Variants in CAPZB observed in about 807,000 individuals in gnomAD.
CAPZB encodes the protein F-actin-capping protein subunit beta.
A neutral mutation model predicts 38.1 loss-of-function variants in CAPZB; 2 were observed. The ratio of observed to expected loss-of-function variants is 0.05; its 90% CI spans 0.02 to 0.17. CAPZB has a LOEUF of 0.17. CAPZB is among the 10% of genes least tolerant of loss of function. CAPZB has a pLI of 1.00. For synonymous variants in CAPZB, 107 were observed against 127.4 expected (o/e 0.84, Z 1.08); for missense variants, 161 against 334.2 (o/e 0.48, Z 4.04).
chr1:19,427,731 G>A (rs185322833), intron 1 of CAPZB, among the ~76,000 whole-genome samples: 164 of 152,296 alleles, frequency 1.1e-3, no homozygotes, highest in Admixed American at 2.0e-3. Flanking sequence ...ACAAACACAC[G>A]AATACTCCTT....
intron 3 of CAPZB, among the ~76,000 whole-genome samples, chr1:19,385,263 A>C (rs765152386): frequency 6.6e-6 from 1 of 152,186 alleles, no homozygotes. Flanking sequence ...CCGCTGCTCT[A>C]TCTCTCATGC....
intron 1 of CAPZB, among the ~76,000 whole-genome samples, chr1:19,434,281 CT>C (rs1184155171): frequency 6.6e-6 from 1 of 152,204 alleles, no homozygotes; most frequent in Non-Finnish European, 1.5e-5. Context: ...TCCTTCACCT[CT>C]CTGAGCCTCG....
At chr1:19,461,971 A>G (rs1373901095) in intron 1 of CAPZB, among the ~76,000 whole-genome samples, 1 of 152,190 alleles carries the variant, frequency 6.6e-6, no homozygotes, top group Admixed American at 6.5e-5. Context: ...TGCTATTACT[A>G]CTGATTCTAT....
At chr1:19,484,255 G>A (rs1001060061) in intron 1 of CAPZB, 1 of 1,612,478 alleles carries the variant, frequency 6.2e-7, no homozygotes, top group Non-Finnish European at 8.5e-7. Flanking sequence ...AGAGGGAAGG[G>A]GAGGCTGCGC....
intron 1 of CAPZB, among the ~76,000 whole-genome samples, chr1:19,454,054 C>T (rs1198228910): frequency 2.0e-5 from 3 of 152,216 alleles, no homozygotes; most frequent in Non-Finnish European, 1.5e-5. Flanking sequence ...AGACTCATCC[C>T]CCAGAGTGGC....
chr1:19,345,369 C>T, intron 6 of CAPZB, 117 bp from the exon 7 acceptor site: 2 of 835,688 alleles, frequency 2.4e-6, no homozygotes, highest in Non-Finnish European at 4.0e-6. Context: ...GTGGAGCCAG[C>T]TGCAGGTATG....
At chr1:19,413,685 G>A (rs75880204) in intron 2 of CAPZB, among the ~76,000 whole-genome samples, 138 of 152,240 alleles carry the variant, frequency 9.1e-4, no homozygotes, top group African/African-American at 3.1e-3. Flanking sequence ...GAAAAATGCT[G>A]GTCTGAGATT....
chr1:19,339,664 G>A, intron 8 of CAPZB, 47 bp from the exon 9 acceptor site: 1 of 1,391,298 alleles, frequency 7.2e-7, no homozygotes, highest in Non-Finnish European at 1.0e-6. Flanking sequence ...AGGGACTGGT[G>A]AGGCGGTGGA....
rs564689029 is a variant in CAPZB, at chr1:19,348,274, A to G, written c.589-3022T>C. ...CAGTTTAGGGCACTTTTTTTTTTTTAATTTTCTTTTAAAAGACAAGGAGGT... is the reference window on the plus strand; with the variant it reads ...CAGTTTAGGGCACTTTTTTTTTTTTGATTTTCTTTTAAAAGACAAGGAGGT... On this transcript the variant is annotated intron_variant, in intron 6 of 8. Transcript: ENST00000264202. Among the ~76,000 whole-genome samples the G allele has an allele frequency of 4.7e-5, 7 of 149,780 alleles. 1 individual carries two copies. The South Asian group carries it at 1.5e-3, about 32-fold the overall frequency.
chr1:19,448,198 C>T (rs1002601267), intron 1 of CAPZB, among the ~76,000 whole-genome samples: 3 of 152,232 alleles, frequency 2.0e-5, no homozygotes, highest in Admixed American at 6.5e-5. Context: ...GGTGGTGCGC[C>T]GCTGCGCACA....
intron 4 of CAPZB, among the ~76,000 whole-genome samples, chr1:19,364,851 TTCTC>T (rs1322525022): frequency 6.6e-6 from 1 of 152,100 alleles, no homozygotes; most frequent in African/African-American, 2.4e-5. Flanking sequence ...CTTTTTTTTT[TTCTC>T]TCTTTTTTTG....
chr1:19,445,167 A>T (rs1212223738), intron 1 of CAPZB, among the ~76,000 whole-genome samples: 1 of 152,266 alleles, frequency 6.6e-6, no homozygotes, highest in Non-Finnish European at 1.5e-5. Flanking sequence ...TACAACTGTA[A>T]GATGAAGCAC....
chr1:19,345,690 C>T (rs965320956), intron 6 of CAPZB, among the ~76,000 whole-genome samples: 2 of 152,266 alleles, frequency 1.3e-5, no homozygotes, highest in African/African-American at 2.4e-5. Context: ...GCTGCTGCTG[C>T]GCCCTGGCGC....
chr1:19,401,737 T>C (rs1332881893), intron 2 of CAPZB, among the ~76,000 whole-genome samples: 2 of 152,140 alleles, frequency 1.3e-5, no homozygotes, highest in Non-Finnish European at 2.9e-5. Flanking sequence ...TTTGCATTTT[T>C]CCAAGTCCAG....
intron 2 of CAPZB, among the ~76,000 whole-genome samples, chr1:19,394,426 A>C (rs556004687): frequency 2.0e-5 from 3 of 152,336 alleles, no homozygotes; most frequent in Admixed American, 2.0e-4. Flanking sequence ...GGCAACATTA[A>C]AACGCAAGCG....
intron 1 of CAPZB, among the ~76,000 whole-genome samples, chr1:19,466,606 T>A (rs1314839421): frequency 6.6e-6 from 1 of 152,016 alleles, no homozygotes; most frequent in Non-Finnish European, 1.5e-5. Flanking sequence ...AAAAGAGGCA[T>A]GGGGGATCGG....
chr1:19,339,096 C>T lies in CAPZB; in HGVS notation c.*434G>A, dbSNP rs2093913563. On this transcript the variant is annotated 3_prime_UTR_variant, in exon 9 of 9. Transcript: ENST00000264202. Reference sequence around the variant, plus strand: ...CAACCCCAAGCAACTCCCAAACACACACGGAATAAGATTTCCAGTTTTTCT... The same window carrying T: ...CAACCCCAAGCAACTCCCAAACACATACGGAATAAGATTTCCAGTTTTTCT... The T allele has an allele frequency of 6.1e-6, 1 of 163,734 alleles. No individual in the cohort carries two copies. The highest frequency in any genetic ancestry group is 1.3e-5 in the Non-Finnish European group (1 of 76,106). The allele number at this position is 163,734 out of a possible 1,614,324, so 10.1% of individuals were successfully genotyped here.
intron 1 of CAPZB, chr1:19,449,452 G>A (rs1430703863): frequency 1.3e-5 from 6 of 455,384 alleles, no homozygotes; most frequent in Admixed American, 6.0e-5. Flanking sequence ...TCCACTCAGT[G>A]GAACAGTACG....
intron 1 of CAPZB, among the ~76,000 whole-genome samples, chr1:19,430,346 G>A (rs189815457): frequency 2.0e-5 from 3 of 152,270 alleles, no homozygotes; most frequent in East Asian, 3.9e-4. Context: ...TGAAATATCC[G>A]AAATGAGTCA....
Sources: gnomAD v4.1 joint callset for allele counts (sites outside exome capture counted in the v4.1 genomes callset) on GRCh38, gnomAD v4.1.1 for gene constraint, MANE v1.5 for transcripts, NCBI Gene and HGNC (gene_info 2026-07-23, HGNC 2026-07-21) for gene names.